Variants in SYNJ1 observed in about 807,000 individuals in gnomAD.
SYNJ1 encodes polyphosphatidylinositol phosphatase SYNJ1.
In SYNJ1, 78 loss-of-function variants were observed where a neutral mutation model predicts 168.2. That is an observed-to-expected ratio of 0.46 (90% CI 0.39 to 0.56). SYNJ1 has a LOEUF of 0.56. SYNJ1 is among the 20% of genes least tolerant of loss of function. The pLI is 0.00. For missense variants in SYNJ1, 1,303 were observed against 1,597.6 expected, an observed-to-expected ratio of 0.82 and a Z score of 3.14; for synonymous variants, 539 against 548.6, an observed-to-expected ratio of 0.98 and a Z score of 0.24.
intron 12 of SYNJ1, among the ~76,000 whole-genome samples, chr21:32,678,399 C>T (rs1277916655): frequency 2.0e-5 from 3 of 152,112 alleles, no homozygotes; most frequent in Non-Finnish European, 4.4e-5. Flanking sequence ...TTATTTACCC[C>T]TCAATCATAA....
intron 6 of SYNJ1, among the ~76,000 whole-genome samples, chr21:32,691,108 C>T (rs1287257099): frequency 6.6e-6 from 1 of 152,026 alleles, no homozygotes; most frequent in Non-Finnish European, 1.5e-5. Context: ...GATCTGTGTA[C>T]CCCCTAAATC....
At chr21:32,649,532 A>C (rs1334100456) in intron 23 of SYNJ1, among the ~76,000 whole-genome samples, 2 of 152,184 alleles carry the variant, frequency 1.3e-5, no homozygotes, top group African/African-American at 4.8e-5. Flanking sequence ...TAATTACTTA[A>C]ATTCATTTCT....
At chr21:32,665,751 A>T (rs1477070403) in intron 17 of SYNJ1, among the ~76,000 whole-genome samples, 192 bp downstream of exon 17, 1 of 152,186 alleles carries the variant, frequency 6.6e-6, no homozygotes, top group East Asian at 1.9e-4. Flanking sequence ...ACCTTGGCAA[A>T]ATAAACTTTC....
At chr21:32,704,416 A>G (rs2042527694) in intron 2 of SYNJ1, among the ~76,000 whole-genome samples, 1 of 152,232 alleles carries the variant, frequency 6.6e-6, no homozygotes, top group Non-Finnish European at 1.5e-5. Flanking sequence ...GAAGGACAGT[A>G]GATGTTTCCC....
intron 31 of SYNJ1, among the ~76,000 whole-genome samples, chr21:32,637,133 T>C (rs2039602723): frequency 6.6e-6 from 1 of 152,202 alleles, no homozygotes; most frequent in Non-Finnish European, 1.5e-5. Context: ...ACTTTTGTAT[T>C]GGTCTAAGGA....
At position 32,665,985 on chromosome 21, in the gene SYNJ1, A is replaced by G; in HGVS notation, c.2103T>C (p.Asn701=). Residue 701 remains asparagine (N), a synonymous_variant, in exon 17 of 33, where the codon AAT becomes AAC. Transcript: ENST00000674351. ...AAGQSQVKER[N]EDFIEIARKL... Reference sequence around the variant, plus strand: ...TTCGTGCTATTTCTATAAAATCTTCATTTCTTTCTTTGACTTGTGACTGCC... The same window carrying G: ...TTCGTGCTATTTCTATAAAATCTTCGTTTCTTTCTTTGACTTGTGACTGCC... 1 of 1,612,746 alleles carries G rather than the reference A, an allele frequency of 6.2e-7. No individual in the cohort carries two copies. Among genetic ancestry groups the G allele is most frequent in the Non-Finnish European group, 8.5e-7 (1 of 1,179,580 alleles).
chr21:32,678,675 G>A lies in SYNJ1; in HGVS notation c.1480C>T (p.Arg494Ter). 1 of 1,609,890 alleles carries A rather than the reference G, an allele frequency of 6.2e-7. No individual in the cohort carries two copies. Among genetic ancestry groups the A allele is most frequent in the Non-Finnish European group, 8.5e-7 (1 of 1,178,886 alleles). ...AAACTTCCAGTAGTTAAAAGTGCTC[G>A]AGCTTTGTCAGCTAAATCACTATTC... Reference protein sequence around the residue: ...TLNSDLADKARALLTTGSLRV... With the variant: ...TLNSDLADKA The change falls in exon 12 of 33, where the codon CGA (arginine) becomes TGA (stop). Residue 494 changes from arginine to a stop codon, truncating the protein, a stop_gained. Transcript: ENST00000674351. LOFTEE classifies it high-confidence loss of function.
chr21:32,725,937 C>T (rs571424237), intron 2 of SYNJ1, among the ~76,000 whole-genome samples: 16 of 152,296 alleles, frequency 1.1e-4, no homozygotes, highest in African/African-American at 3.6e-4. Flanking sequence ...ACCTTCCAGA[C>T]TCAATCAATC....
chr21:32,721,547 G>A (rs546006042), intron 2 of SYNJ1, among the ~76,000 whole-genome samples: 1 of 151,582 alleles, frequency 6.6e-6, no homozygotes, highest in Non-Finnish European at 1.5e-5. Context: ...GGTGTGGTGG[G>A]GGGCGCCTGT....
chr21:32,676,409 T>C, intron 12 of SYNJ1, 54 bp from the exon 13 acceptor site: 1 of 1,560,086 alleles, frequency 6.4e-7, no homozygotes. Context: ...CAAGTTACAA[T>C]TAAAATGTTG....
At position 32,723,889 on chromosome 21, in the gene SYNJ1, G is replaced by C. The variant is rs549960562; in HGVS notation, c.124+2883C>G. 5.9e-5 allele frequency among the ~76,000 whole-genome samples: 9 copies of C among 152,306 alleles called. No homozygotes were observed. The East Asian group carries it at 1.3e-3, about 23-fold the overall frequency. ...GATACAGAGTAAGTTCTAGAGAAATGAAGAGAAGGTAGAGATAAAGGTGAG... is the reference window on the plus strand; with the variant it reads ...GATACAGAGTAAGTTCTAGAGAAATCAAGAGAAGGTAGAGATAAAGGTGAG... On this transcript the variant is annotated intron_variant, in intron 2 of 32. Coordinates refer to ENST00000674351, the MANE Select transcript of SYNJ1 (RefSeq NM_203446.3).
At chr21:32,719,835 A>AT (rs929463081) in intron 2 of SYNJ1, among the ~76,000 whole-genome samples, 175 of 147,758 alleles carry the variant, frequency 1.2e-3, no homozygotes, top group African/African-American at 2.5e-3. Flanking sequence ...TTTTTTCTGC[A>AT]TTTTTTTTTT....
Position 32,688,374 on chromosome 21 carries a change from C to G in SYNJ1, c.790-7G>C. 6.2e-7 allele frequency: 1 copy of G among 1,611,374 alleles called. No homozygotes were observed. Among genetic ancestry groups the G allele is most frequent in the Non-Finnish European group, 8.5e-7 (1 of 1,178,968 alleles). Reference sequence around the variant, plus strand: ...GGACACGATGAGATCCCACCTTAGACAAGAAAAATATATTTAATCAAACCA... The same window carrying G: ...GGACACGATGAGATCCCACCTTAGAGAAGAAAAATATATTTAATCAAACCA... On this transcript the variant is annotated splice_region_variant and splice_polypyrimidine_tract_variant and intron_variant, in intron 6 of 32. Coordinates refer to ENST00000674351, the MANE Select transcript of SYNJ1 (RefSeq NM_203446.3).
At chr21:32,727,409 G>A (rs537018991) in intron 1 of SYNJ1, among the ~76,000 whole-genome samples, 3 of 152,312 alleles carry the variant, frequency 2.0e-5, no homozygotes, top group African/African-American at 7.2e-5. Flanking sequence ...TATCCCACGC[G>A]ACAGGCTCTC....
intron 14 of SYNJ1, chr21:32,670,671 T>C: frequency 3.2e-6 from 2 of 619,028 alleles, no homozygotes; most frequent in Non-Finnish European, 4.0e-6. Context: ...CAGAAACAAA[T>C]CATTTCTCAA....
At chr21:32,698,547 CAT>C (rs1310562947) in intron 4 of SYNJ1, among the ~76,000 whole-genome samples, 2 of 152,188 alleles carry the variant, frequency 1.3e-5, no homozygotes, top group African/African-American at 2.4e-5. Context: ...ATAATTTGCA[CAT>C]GATATCAAGA....
intron 4 of SYNJ1, 49 bp from the exon 5 acceptor site, chr21:32,695,331 A>T: frequency 6.6e-7 from 1 of 1,516,312 alleles, no homozygotes; most frequent in Non-Finnish European, 9.0e-7. Context: ...CTAAGTAACA[A>T]AGTATGACTT....
chr21:32,666,836 T>C (rs1015827335), intron 15 of SYNJ1, among the ~76,000 whole-genome samples: 1 of 152,200 alleles, frequency 6.6e-6, no homozygotes, highest in Non-Finnish European at 1.5e-5. Flanking sequence ...TTCAAACTTA[T>C]ACATTTTACT....
At chr21:32,675,115 G>T (rs1317030063) in intron 13 of SYNJ1, among the ~76,000 whole-genome samples, 1 of 152,136 alleles carries the variant, frequency 6.6e-6, no homozygotes, top group Admixed American at 6.5e-5. Flanking sequence ...TATAATTATG[G>T]TTTATCATTG....
Sources: allele counts gnomAD v4.1 joint callset (sites outside exome capture counted in the v4.1 genomes callset), GRCh38; gene constraint gnomAD v4.1.1; transcripts MANE v1.5; gene names NCBI Gene and HGNC (gene_info 2026-07-23, HGNC 2026-07-21).